Variants in GRM5 observed in about 807,000 individuals in gnomAD.
GRM5 encodes the protein metabotropic glutamate receptor 5.
GRM5 carries 19 observed loss-of-function variants against 83.1 expected under a neutral mutation model. That is an observed-to-expected ratio of 0.23 (90% CI 0.16 to 0.34). The LOEUF (loss-of-function observed/expected upper bound fraction) is 0.34, where lower values mean the gene tolerates loss of function less well. Among genes scored for constraint, GRM5 ranks in the 10% least tolerant of loss-of-function variants. GRM5 has a pLI of 1.00. For missense variants in GRM5, 1,160 were observed against 1,588.3 expected (o/e 0.73, Z 4.58); for synonymous variants, 675 against 633.6 (o/e 1.07, Z -0.98).
At chr11:88,943,549 C>A (rs1302024323) in intron 2 of GRM5, among the ~76,000 whole-genome samples, 1 of 151,996 alleles carries the variant, frequency 6.6e-6, no homozygotes, top group Admixed American at 6.6e-5. Context: ...ATGGTCCTCT[C>A]CTAAAAATTC....
chr11:88,558,915 G>C (rs1942692429), intron 8 of GRM5, among the ~76,000 whole-genome samples: 1 of 151,316 alleles, frequency 6.6e-6, no homozygotes, highest in South Asian at 2.1e-4. Flanking sequence ...CTTCTTGGAG[G>C]GAAAAATTAG....
chr11:88,939,700 G>A (rs1047846807), intron 2 of GRM5, among the ~76,000 whole-genome samples: 33 of 151,644 alleles, frequency 2.2e-4, no homozygotes, highest in African/African-American at 8.0e-4. Context: ...ATGTGTGCGC[G>A]TGTTTGGCGA....
At chr11:88,802,632 G>A (rs992063282) in intron 3 of GRM5, among the ~76,000 whole-genome samples, 3 of 152,096 alleles carry the variant, frequency 2.0e-5, no homozygotes, top group African/African-American at 7.2e-5. Flanking sequence ...CACAAGACAA[G>A]GATGCCCTCT....
chr11:88,939,755 A>G (rs1938023980), intron 2 of GRM5, among the ~76,000 whole-genome samples: 1 of 151,864 alleles, frequency 6.6e-6, no homozygotes, highest in African/African-American at 2.4e-5. Flanking sequence ...TGAATAAACA[A>G]ATGTTGAGAA....
At chr11:88,738,466 G>C (rs1308220316) in intron 3 of GRM5, among the ~76,000 whole-genome samples, 2 of 152,036 alleles carry the variant, frequency 1.3e-5, no homozygotes, top group African/African-American at 4.8e-5. Flanking sequence ...TGTATTAAGA[G>C]GTCTCTTTAA....
chr11:88,941,615 G>A (rs1938117185), intron 2 of GRM5, among the ~76,000 whole-genome samples: 1 of 150,640 alleles, frequency 6.6e-6, no homozygotes, highest in African/African-American at 2.4e-5. Context: ...GCGGGAAAAA[G>A]CTTCCTTACA....
At chr11:88,753,140 C>A (rs1942318354) in intron 3 of GRM5, among the ~76,000 whole-genome samples, 1 of 152,024 alleles carries the variant, frequency 6.6e-6, no homozygotes, top group African/African-American at 2.4e-5. Flanking sequence ...TTCTTCAGAG[C>A]AAAATAAACT....
Position 88,509,087 on chromosome 11 carries a change from C to T in GRM5, c.3144G>A (p.Ala1048=), listed in dbSNP as rs201895514. 305 of 1,550,270 alleles carry T rather than the reference C, an allele frequency of 2.0e-4. No homozygotes were observed. Among genetic ancestry groups the T allele is most frequent in the Non-Finnish European group, 2.5e-4 (285 of 1,147,416 alleles). Residue 1048 remains alanine (A), a synonymous_variant, in exon 10 of 10, where the codon GCG becomes GCA. Coordinates refer to ENST00000305447, the MANE Select transcript of GRM5 (RefSeq NM_001143831.3). ...GGGAGCCCTGCGAGGAGCTGCTGCG[C>T]GCCACAGGCTCCGAGTGCAGCGACG... is the stretch of plus-strand genomic sequence containing the variant. ...DVPSLHSEPV[A]RSSSSQGSLM...
intron 2 of GRM5, among the ~76,000 whole-genome samples, chr11:88,878,068 A>G (rs1944890857): frequency 6.6e-6 from 1 of 152,160 alleles, no homozygotes; most frequent in Non-Finnish European, 1.5e-5. Flanking sequence ...CAGCAATCTT[A>G]TTGTAATCAT....
At chr11:88,851,566 C>T (rs545268301) in intron 2 of GRM5, among the ~76,000 whole-genome samples, 1 of 152,330 alleles carries the variant, frequency 6.6e-6, no homozygotes, top group African/African-American at 2.4e-5. Context: ...TTAATGTTCT[C>T]TTCCCTTGGC....
Position 89,047,107 on chromosome 11 carries a change from T to A in GRM5, c.661+105A>T. The A allele has an allele frequency of 1.1e-6, 1 of 904,874 alleles. No homozygotes were observed. The highest frequency in any genetic ancestry group is 1.7e-5 in the South Asian group (1 of 59,548). 56.1% of individuals were successfully genotyped at this position (904,874 alleles called of 1,614,324 possible). A position where few individuals can be genotyped will look rare whatever the true frequency, so the allele number is the denominator to read the frequency against. ...ATAGTACTGGTATAACTCGGACAAT[T>A]CAAAATATCCAAAATAATTAGGAAT... On this transcript the variant is annotated intron_variant, in intron 2 of 9. Transcript: ENST00000305447. The surrounding 1 kb of genome is among the most constrained non-coding windows in gnomAD (Gnocchi z 5.1).
intron 3 of GRM5, among the ~76,000 whole-genome samples, chr11:88,712,719 A>G (rs1941310209): frequency 6.6e-6 from 1 of 152,020 alleles, no homozygotes; most frequent in African/African-American, 2.4e-5. Flanking sequence ...TGATAGTCAG[A>G]CAGTTGTTTC....
At chr11:88,686,870 GGACTAATACA>G (rs1565186590) in intron 3 of GRM5, among the ~76,000 whole-genome samples, 1 of 151,900 alleles carries the variant, frequency 6.6e-6, no homozygotes, top group East Asian at 1.9e-4. Context: ...GCATGAAAAC[GGACTAATACA>G]GACTCTCATG....
At chr11:88,517,672 A>G (rs1465696836) in intron 9 of GRM5, among the ~76,000 whole-genome samples, 3 of 152,174 alleles carry the variant, frequency 2.0e-5, no homozygotes, top group African/African-American at 7.2e-5. Flanking sequence ...AGTAGAAAGT[A>G]TTCCTTAAAA....
intron 3 of GRM5, among the ~76,000 whole-genome samples, chr11:88,746,611 T>C (rs1942149940): frequency 6.6e-6 from 1 of 151,978 alleles, no homozygotes; most frequent in African/African-American, 2.4e-5. Flanking sequence ...CTTTTTCCAA[T>C]ATACGAGCTG....
At chr11:88,609,888 C>T (rs1938267337) in intron 4 of GRM5, among the ~76,000 whole-genome samples, 1 of 152,130 alleles carries the variant, frequency 6.6e-6, no homozygotes, top group Non-Finnish European at 1.5e-5. Context: ...AGTCTTTAAT[C>T]CATTTTGAGT....
intron 8 of GRM5, among the ~76,000 whole-genome samples, chr11:88,553,783 T>C (rs1008062302): frequency 2.0e-5 from 3 of 152,114 alleles, no homozygotes; most frequent in African/African-American, 4.8e-5. Context: ...TGGTAGAACA[T>C]GCATGTTGGG....
intron 3 of GRM5, among the ~76,000 whole-genome samples, chr11:88,829,326 A>G (rs1448084358): frequency 6.6e-6 from 1 of 151,940 alleles, no homozygotes; most frequent in African/African-American, 2.4e-5. Context: ...TGGGTCGCGG[A>G]AGCACATGCC....
chr11:88,678,841 G>C (rs1045648429), intron 3 of GRM5, among the ~76,000 whole-genome samples: 4 of 151,908 alleles, frequency 2.6e-5, no homozygotes, highest in African/African-American at 9.7e-5. Context: ...TATTAGCCAG[G>C]TAAATCAATA....
Sources: gnomAD v4.1 joint callset for allele counts (sites outside exome capture counted in the v4.1 genomes callset) on GRCh38, gnomAD v4.1.1 for gene constraint, Gnocchi (gnomAD v3.1) non-coding constraint, MANE v1.5 for transcripts, NCBI Gene and HGNC (gene_info 2026-07-23, HGNC 2026-07-21) for gene names.